PZP: variants seen among roughly 807,000 people sequenced by gnomAD.
PZP encodes the protein PZP alpha-2-macroglobulin like, also known as pregnancy zone protein.
In PZP, 150 loss-of-function variants were observed where a neutral mutation model predicts 179.8. The observed-to-expected ratio is 0.83, with a 90% CI of 0.73 to 0.96. The LOEUF is 0.96. PZP is among the 40% of genes least tolerant of loss of function. The pLI is 0.00. For synonymous variants in PZP, 624 were observed against 652.3 expected (o/e 0.96, Z 0.66); for missense variants, 1,689 against 1,764.0 (o/e 0.96, Z 0.76).
chr12:9,203,467 A>G (rs982830204), intron 2 of PZP, among the ~76,000 whole-genome samples: 2 of 149,552 alleles, frequency 1.3e-5, no homozygotes, highest in Non-Finnish European at 3.0e-5. Flanking sequence ...TCAGCCTCCC[A>G]GGTAGCTGGG....
chr12:9,137,131 A>G, the PZP span, among the ~76,000 whole-genome samples: 1 of 151,962 alleles, frequency 6.6e-6, no homozygotes, highest in Non-Finnish European at 1.5e-5. Flanking sequence ...CATGTCTTTT[A>G]TTTTTTCTTA....
intron 33 of PZP, 61 bp from the exon 34 acceptor site, chr12:9,150,807 A>C: frequency 9.8e-7 from 1 of 1,025,588 alleles, no homozygotes; most frequent in Admixed American, 1.9e-5. Context: ...TCCCATGAGC[A>C]AAACATATTC....
rs1037518441 is a variant in PZP, at chr12:9,170,333, T to C, written c.1840-742A>G. ...CATGCCACCAGGGTCTTGGGTCTGA[T>C]ACACAAAGCTATGTGGAGTCTTGGC... is the stretch of plus-strand genomic sequence containing the variant. On this transcript the variant is annotated intron_variant, in intron 15 of 35. Transcript: ENST00000261336. The surrounding 1 kb of genome is among the most constrained non-coding windows in gnomAD (Gnocchi z 4.6). Among the ~76,000 whole-genome samples, 4 of 152,156 alleles carry C rather than the reference T, an allele frequency of 2.6e-5. No homozygotes were observed. Among genetic ancestry groups the C allele is most frequent in the African/African-American group, 9.7e-5 (4 of 41,428 alleles).
chr12:9,146,411 TCATA>T (rs1940010498), downstream of PZP, among the ~76,000 whole-genome samples: 1 of 152,204 alleles, frequency 6.6e-6, no homozygotes. Flanking sequence ...TTCTCACTGC[TCATA>T]CATTGTTCTT....
rs182004542 is a variant in PZP, at chr12:9,180,221, T to C, written c.1839+762A>G. ...CATATGTATACATGTGCCATGCTGGTGCGCAAGGTAATTTACAGATTCAAT... is the reference window on the plus strand; with the variant it reads ...CATATGTATACATGTGCCATGCTGGCGCGCAAGGTAATTTACAGATTCAAT... On this transcript the variant is annotated intron_variant, in intron 15 of 35. Transcript: ENST00000261336. Among the ~76,000 whole-genome samples, 94 of 152,290 alleles carry C rather than the reference T, an allele frequency of 6.2e-4. 1 individual carries two copies. The highest frequency in any genetic ancestry group is 2.3e-3 in the African/African-American group (94 of 41,550).
At chr12:9,185,945 C>T (rs1246743429) in intron 13 of PZP, among the ~76,000 whole-genome samples, 12 of 151,582 alleles carry the variant, frequency 7.9e-5, no homozygotes, top group Non-Finnish European at 1.8e-4. Flanking sequence ...GTAGCTGGGA[C>T]TACAGGCGTG....
At chr12:9,162,693 G>C (rs371713435) in intron 21 of PZP, 45 bp from the exon 22 acceptor site, 1 of 1,443,956 alleles carries the variant, frequency 6.9e-7, no homozygotes, top group African/African-American at 1.4e-5. Flanking sequence ...AAACATCCTG[G>C]TGACAAGAGA....
intron 1 of PZP, among the ~76,000 whole-genome samples, chr12:9,205,717 C>T (rs1453105134): frequency 6.6e-6 from 1 of 152,008 alleles, no homozygotes; most frequent in Non-Finnish European, 1.5e-5. Flanking sequence ...ATTTTACTAC[C>T]CTTACTTTCC....
intron 17 of PZP, among the ~76,000 whole-genome samples, chr12:9,168,271 A>T (rs1941731444): frequency 6.6e-6 from 1 of 152,222 alleles, no homozygotes; most frequent in South Asian, 2.1e-4. Flanking sequence ...CAATCCGAGC[A>T]TATAAATATT....
rs769545884 is a variant in PZP at position 9,181,009 on chromosome 12, G to T, written c.1813C>A (p.Pro605Thr). The change falls in exon 15 of 36, where the codon CCT (proline) becomes ACT (threonine). Residue 605 changes from proline (P) to threonine (T), a missense_variant. Physicochemically the swap from Pro to Thr is conservative, Grantham distance 38. This residue lies in a region of PZP where 742 missense variants were observed against 730.5 expected (regional missense o/e 1.02). Transcript: ENST00000261336. ...GAGGACACAGAGAGCTCAGCCTCAG[G>T]CTTCATGAGCAGCACACTTTGGTCC... ...AVDQSVLLMKPEAELSVSSVY... is the reference protein window; with the variant it reads ...AVDQSVLLMKTEAELSVSSVY... The T allele has an allele frequency of 1.9e-6, 3 of 1,613,830 alleles. No homozygotes were observed. The highest frequency in any genetic ancestry group is 1.1e-5 in the South Asian group (1 of 91,028).
chr12:9,189,993 C>A (rs1253589912), intron 13 of PZP, among the ~76,000 whole-genome samples: 1 of 151,896 alleles, frequency 6.6e-6, no homozygotes, highest in African/African-American at 2.4e-5. Flanking sequence ...CAAAAAATAA[C>A]AGATGTTGGC....
chr12:9,144,056 T>C (rs546611950), downstream of PZP, among the ~76,000 whole-genome samples: 29 of 152,232 alleles, frequency 1.9e-4, no homozygotes, highest in African/African-American at 6.7e-4. Flanking sequence ...CCGGGTACCA[T>C]GAGAAAGTCA....
chr12:9,169,655 T>C (rs772818028), intron 15 of PZP, 64 bp from the exon 16 acceptor site: 43 of 1,395,280 alleles, frequency 3.1e-5, no homozygotes, highest in Non-Finnish European at 3.9e-5. Context: ...TAGAATGAAC[T>C]GAGAGAAATA....
At chr12:9,192,902 A>T (rs1209266969) in intron 11 of PZP, among the ~76,000 whole-genome samples, 163 bp from the exon 12 acceptor site, 2 of 152,228 alleles carry the variant, frequency 1.3e-5, no homozygotes, top group African/African-American at 4.8e-5. Flanking sequence ...GTCTCCCAAC[A>T]TTCAAATATT....
At chr12:9,207,608 G>A (rs775638393) in intron 1 of PZP, among the ~76,000 whole-genome samples, 3 of 152,216 alleles carry the variant, frequency 2.0e-5, no homozygotes. Flanking sequence ...AACAGTGCAT[G>A]CCAGCAAGTA....
chr12:9,201,672 TA>T (rs1305328559), intron 4 of PZP, among the ~76,000 whole-genome samples: 1 of 152,118 alleles, frequency 6.6e-6, no homozygotes, highest in Non-Finnish European at 1.5e-5. Flanking sequence ...CTTACTTTCA[TA>T]AGTTGGGAAA....
At chr12:9,190,391 T>C (rs1231240936) in intron 13 of PZP, among the ~76,000 whole-genome samples, 7 of 152,106 alleles carry the variant, frequency 4.6e-5, no homozygotes, top group Non-Finnish European at 8.8e-5. Flanking sequence ...CAAAATAATG[T>C]AGGAACAGAA....
intron 13 of PZP, among the ~76,000 whole-genome samples, chr12:9,184,404 A>C (rs1942970954): frequency 6.6e-6 from 1 of 152,082 alleles, no homozygotes; most frequent in African/African-American, 2.4e-5. Flanking sequence ...CCAGTGCCCC[A>C]CCCCCATGCT....
rs772898879 is a variant in PZP at position 9,194,798 on chromosome 12, C to T, written c.1093-560G>A. ...GAGATTTTTAATAACTACAACTTGC[C>T]ACTTAATATGCACTTGGAATAAGAA... On this transcript the variant is annotated intron_variant, in intron 10 of 35. Coordinates refer to ENST00000261336, the MANE Select transcript of PZP (RefSeq NM_002864.3). Among the ~76,000 whole-genome samples, 3 of 152,230 alleles carry T rather than the reference C, an allele frequency of 2.0e-5. No homozygotes were observed. The East Asian group carries it at 5.8e-4, about 29-fold the overall frequency.
Sources: allele counts gnomAD v4.1 joint callset (sites outside exome capture counted in the v4.1 genomes callset), GRCh38; gene constraint gnomAD v4.1.1; regional missense constraint gnomAD v4.1.1; non-coding constraint Gnocchi (gnomAD v3.1); transcripts MANE v1.5; gene names NCBI Gene and HGNC (gene_info 2026-07-23, HGNC 2026-07-21).